The following DAB2IP variants were observed in gnomAD, a reference collection of about 807,000 sequenced individuals.
DAB2IP encodes the protein DAB2 interacting protein.
DAB2IP carries 28 observed loss-of-function variants against 107.2 expected under a neutral mutation model. That is an observed-to-expected ratio of 0.26 (90% CI 0.19 to 0.36). The LOEUF is 0.36. Among genes scored for constraint, DAB2IP ranks in the 10% least tolerant of loss-of-function variants. The pLI is 1.00. For missense variants in DAB2IP, 1,400 were observed against 1,644.7 expected, an observed-to-expected ratio of 0.85 and a Z score of 2.57; for synonymous variants, 755 against 706.4, an observed-to-expected ratio of 1.07 and a Z score of -1.09.
intron 1 of DAB2IP, among the ~76,000 whole-genome samples, chr9:121,645,476 C>T (rs879393880): frequency 4.6e-5 from 7 of 152,258 alleles, no homozygotes; most frequent in Non-Finnish European, 7.4e-5. Context: ...GTGGTCTTGG[C>T]GGCTGTATTT....
At chr9:121,637,350 G>A (rs1279468100) in intron 1 of DAB2IP, among the ~76,000 whole-genome samples, 1 of 152,210 alleles carries the variant, frequency 6.6e-6, no homozygotes, top group Non-Finnish European at 1.5e-5. Context: ...CAGGGCTGGG[G>A]CAACCTCCCT....
intron 3 of DAB2IP, chr9:121,737,448 C>T: frequency 1.0e-6 from 1 of 985,394 alleles, no homozygotes; most frequent in South Asian, 4.7e-5. Context: ...AGGGGAAGCC[C>T]TCCTAGGCTC....
chr9:121,726,654 T>C (rs1453136074), intron 3 of DAB2IP, among the ~76,000 whole-genome samples: 2 of 152,200 alleles, frequency 1.3e-5, no homozygotes, highest in African/African-American at 4.8e-5. Context: ...GGCTGGTGTC[T>C]GCTGCCCAAC....
exon 12 of DAB2IP, chr9:121,773,378 C>T (rs766387732): frequency 1.3e-5 from 20 of 1,595,978 alleles, no homozygotes; most frequent in African/African-American, 4.0e-5. Context: ...GACCCTCAAG[C>T]GGAACCCTGG....
intron 1 of DAB2IP, among the ~76,000 whole-genome samples, chr9:121,611,727 G>C (rs181655141): frequency 1.4e-4 from 21 of 152,120 alleles, no homozygotes; most frequent in African/African-American, 4.6e-4. Context: ...TAGGATTATA[G>C]GTGTGTGCCA....
chr9:121,750,083 C>G (rs1247232967), intron 3 of DAB2IP, among the ~76,000 whole-genome samples: 1 of 152,184 alleles, frequency 6.6e-6, no homozygotes, highest in African/African-American at 2.4e-5. Flanking sequence ...CTGAGCCTCC[C>G]GCCTGCATGG....
At chr9:121,765,959 T>G (rs1265519225) in intron 8 of DAB2IP, among the ~76,000 whole-genome samples, 1 of 151,462 alleles carries the variant, frequency 6.6e-6, no homozygotes, top group Non-Finnish European at 1.5e-5. Flanking sequence ...TTCTGAGCTT[T>G]TAGGAAATCC....
intron 2 of DAB2IP, among the ~76,000 whole-genome samples, chr9:121,697,507 T>C (rs1179977902): frequency 6.6e-6 from 1 of 152,176 alleles, no homozygotes; most frequent in Non-Finnish European, 1.5e-5. Context: ...CTCCATGCCA[T>C]GTGTCCTGGA....
At chr9:121,674,844 T>C (rs762097700) in intron 1 of DAB2IP, among the ~76,000 whole-genome samples, 15 of 152,096 alleles carry the variant, frequency 9.9e-5, no homozygotes, top group Admixed American at 2.0e-4. Flanking sequence ...AGGGCCCACC[T>C]ACCCAGGAAA....
intron 1 of DAB2IP, among the ~76,000 whole-genome samples, chr9:121,641,892 CCT>C (rs1491310946): frequency 1.1e-5 from 1 of 89,334 alleles, no homozygotes; most frequent in Non-Finnish European, 2.1e-5. Context: ...CATTTCTTTC[CCT>C]TTCTTTCTTT....
At chr9:121,761,533 CCTGGAA>C (rs1284045981) in intron 6 of DAB2IP, among the ~76,000 whole-genome samples, 1 of 152,218 alleles carries the variant, frequency 6.6e-6, no homozygotes, top group African/African-American at 2.4e-5. Context: ...TCCTAGAGGC[CCTGGAA>C]GGGGAGGCCA....
intron 2 of DAB2IP, among the ~76,000 whole-genome samples, chr9:121,696,734 C>T (rs1211011642): frequency 6.6e-6 from 1 of 152,190 alleles, no homozygotes; most frequent in Non-Finnish European, 1.5e-5. Flanking sequence ...TCTGAGTCCC[C>T]TTCTGGCAGT....
intron 1 of DAB2IP, among the ~76,000 whole-genome samples, chr9:121,638,193 T>C (rs2777309): frequency 0.038 from 5,707 of 152,158 alleles, 373 homozygotes; most frequent in African/African-American, 0.13. Flanking sequence ...TAGAAAAAAA[T>C]TGCATCTGTA....
intron 1 of DAB2IP, among the ~76,000 whole-genome samples, chr9:121,596,353 A>G (rs1830530449): frequency 6.6e-6 from 1 of 151,970 alleles, no homozygotes; most frequent in African/African-American, 2.4e-5. Flanking sequence ...AAACAAACAA[A>G]CAAACAAAAA....
chr9:121,579,217 G>A (rs1386955373), intron 1 of DAB2IP, among the ~76,000 whole-genome samples: 2 of 152,136 alleles, frequency 1.3e-5, no homozygotes, highest in Non-Finnish European at 2.9e-5. Context: ...CACTGTTCAT[G>A]CTTATTTAAA....
intron 4 of DAB2IP, 150 bp from the exon 5 acceptor site, chr9:121,758,748 C>G (rs114943728): frequency 1.5e-6 from 1 of 661,892 alleles, no homozygotes; most frequent in South Asian, 1.9e-5. Flanking sequence ...GAAGTAGAGG[C>G]GTCATATGAG....
chr9:121,773,229 G>A (rs747708872), exon 12 of DAB2IP: 14 of 1,558,742 alleles, frequency 9.0e-6, no homozygotes, highest in African/African-American at 2.7e-5. Flanking sequence ...TGAAAAAGGC[G>A]GGCAGCCCAC....
chr9:121,586,515 G>A (rs902154883), intron 1 of DAB2IP, among the ~76,000 whole-genome samples: 4 of 152,098 alleles, frequency 2.6e-5, no homozygotes, highest in Non-Finnish European at 4.4e-5. Context: ...GAGCTGGTTT[G>A]TCCCCTGTCT....
At chr9:121,774,503 G>A (rs1362469882) in intron 13 of DAB2IP, 91 bp downstream of exon 13, 3 of 1,410,414 alleles carry the variant, frequency 2.1e-6, no homozygotes, top group African/African-American at 2.9e-5. Context: ...CCCAGCAACG[G>A]GTGCTGCTGT....
Sources: gnomAD v4.1 joint callset for allele counts (sites outside exome capture counted in the v4.1 genomes callset) on GRCh38, gnomAD v4.1.1 for gene constraint, MANE v1.5 for transcripts, NCBI Gene and HGNC (gene_info 2026-07-23, HGNC 2026-07-21) for gene names.